The following ARHGAP8 variants were observed in gnomAD, a reference collection of about 807,000 sequenced individuals.
ARHGAP8 encodes the protein rho GTPase-activating protein 8.
ARHGAP8 carries 62 observed loss-of-function variants against 46.1 expected under a neutral mutation model. The ratio of observed to expected loss-of-function variants is 1.34; its 90% CI spans 1.10 to 1.66. ARHGAP8 has a LOEUF of 1.66. Among genes scored for constraint, ARHGAP8 ranks in the 40% most tolerant of loss-of-function variants. The probability of loss-of-function intolerance (pLI) is 0.00; values close to 1 mark genes in which losing one functional copy is unlikely to be tolerated. For missense variants in ARHGAP8, 923 were observed against 568.4 expected (o/e 1.62, Z -6.34); for synonymous variants, 375 against 243.1 (o/e 1.54, Z -5.05).
intron 1 of ARHGAP8, among the ~76,000 whole-genome samples, chr22:44,779,325 T>C (rs1443220427): frequency 6.6e-6 from 1 of 151,894 alleles, no homozygotes; most frequent in Non-Finnish European, 1.5e-5. Flanking sequence ...GGTCTCGAAC[T>C]CCTGACCTCA....
chr22:44,830,862 A>G (rs955359650), intron 7 of ARHGAP8, among the ~76,000 whole-genome samples: 6 of 152,148 alleles, frequency 3.9e-5, no homozygotes, highest in African/African-American at 1.4e-4. Flanking sequence ...TATCGTAGCC[A>G]TCCTAGTAGG....
Position 44,802,154 on chromosome 22 carries a change from C to T in ARHGAP8, c.157C>T (p.Arg53Trp), listed in dbSNP as rs41278883. 10,428 of 1,614,114 alleles carry T rather than the reference C, an allele frequency of 6.5e-3. 45 individuals carry two copies. The highest frequency in any genetic ancestry group is 7.9e-3 in the Middle Eastern group (48 of 6,060). Residue 53 changes from arginine to tryptophan, a missense_variant, in exon 3 of 12, where the codon CGG (arginine) becomes TGG (tryptophan). By Grantham distance (101) the Arg-to-Trp change is moderately radical. Transcript: ENST00000356099. ...MPPSHELDHQ[R>W]LLEYLKYTLD... ...ACCCTCCCACGAGCTGGACCACCAGCGGCTGCTGGAGTAAGTGTTCTGCCC... is the reference window on the plus strand; with the variant it reads ...ACCCTCCCACGAGCTGGACCACCAGTGGCTGCTGGAGTAAGTGTTCTGCCC...
At chr22:44,834,545 T>C (rs1456820366) in intron 7 of ARHGAP8, among the ~76,000 whole-genome samples, 1 of 152,178 alleles carries the variant, frequency 6.6e-6, no homozygotes, top group Non-Finnish European at 1.5e-5. Context: ...GCCTGGAGAA[T>C]ATTCAACGGA....
chr22:44,759,156 C>G (rs1234510681), intron 1 of ARHGAP8, among the ~76,000 whole-genome samples: 2 of 152,210 alleles, frequency 1.3e-5, no homozygotes, highest in African/African-American at 4.8e-5. Context: ...CCCAAGCCCT[C>G]TGCTTGTTCT....
intron 7 of ARHGAP8, 142 bp downstream of exon 7, chr22:44,825,735 C>A: frequency 9.4e-7 from 1 of 1,060,486 alleles, no homozygotes; most frequent in Non-Finnish European, 1.3e-6. Flanking sequence ...AGCCTGAGCT[C>A]ATCACTGAGG....
chr22:44,859,835 G>C lies in ARHGAP8; in HGVS notation c.981+1G>C, dbSNP rs753268729. On this transcript the variant is annotated splice_donor_variant, in intron 11 of 11. Transcript: ENST00000356099. LOFTEE classifies it high-confidence loss of function. ...CTACCTCATGGGCTTCCTGCATGCG[G>C]TGAGTGGGGAAGGGGGGAGCTTGGG... 2 of 1,613,406 alleles carry C rather than the reference G, an allele frequency of 1.2e-6. No homozygotes were observed. The highest frequency in any genetic ancestry group is 2.2e-5 in the East Asian group (1 of 44,866).
At chr22:44,831,847 C>A (rs1291606548) in intron 7 of ARHGAP8, among the ~76,000 whole-genome samples, 6 of 152,184 alleles carry the variant, frequency 3.9e-5, no homozygotes, top group Non-Finnish European at 1.5e-5. Context: ...GCCACACAAT[C>A]TTGATTACTG....
intron 3 of ARHGAP8, among the ~76,000 whole-genome samples, chr22:44,803,520 C>T (rs1928704136): frequency 6.6e-6 from 1 of 151,804 alleles, no homozygotes; most frequent in Non-Finnish European, 1.5e-5. Context: ...CCTTTGCATG[C>T]AGCACCCCCA....
intron 7 of ARHGAP8, among the ~76,000 whole-genome samples, chr22:44,828,361 C>T (rs1314192953): frequency 2.0e-5 from 3 of 151,830 alleles, no homozygotes; most frequent in Non-Finnish European, 4.4e-5. Flanking sequence ...GCAGTGACCT[C>T]GGTCCCCTCC....
intron 1 of ARHGAP8, among the ~76,000 whole-genome samples, chr22:44,760,894 C>G (rs9614905): frequency 0.28 from 42,357 of 151,928 alleles, 6,811 homozygotes; most frequent in Non-Finnish European, 0.38. Context: ...TGGGGGGGAT[C>G]CGAGAGAAAG....
chr22:44,845,116 C>G (rs1229737779), intron 7 of ARHGAP8, among the ~76,000 whole-genome samples, 153 bp from the exon 8 acceptor site: 3 of 152,214 alleles, frequency 2.0e-5, no homozygotes, highest in Admixed American at 6.5e-5. Context: ...TTCAGACTTT[C>G]TACTTCCTGA....
chr22:44,860,075 CCCTCAG>C (rs1221400810), intron 11 of ARHGAP8, among the ~76,000 whole-genome samples: 1 of 152,206 alleles, frequency 6.6e-6, no homozygotes, highest in East Asian at 1.9e-4. Flanking sequence ...TACCTGCTGT[CCCTCAG>C]CCATTGCCAG....
In ARHGAP8 at chr22:44,812,645, G is replaced by A. The variant is rs114194962; in HGVS notation, c.300-2027G>A. On this transcript the variant is annotated intron_variant, in intron 4 of 11. Coordinates refer to ENST00000356099, the MANE Select transcript of ARHGAP8 (RefSeq NM_181335.3). ...GTTGGGATTACAGGTGTGAGCCACC[G>A]CGCCCTGCCTCAGAGCCTTTTTAAA... is the stretch of plus-strand genomic sequence containing the variant. Among the ~76,000 whole-genome samples, 816 of 152,080 alleles carry A rather than the reference G, an allele frequency of 5.4e-3. 7 individuals are homozygous for A. Among genetic ancestry groups the A allele is most frequent in the African/African-American group, 0.019 (787 of 41,506 alleles).
intron 2 of ARHGAP8, among the ~76,000 whole-genome samples, chr22:44,798,445 A>G (rs1004908162): frequency 1.3e-5 from 2 of 152,018 alleles, no homozygotes; most frequent in African/African-American, 4.8e-5. Flanking sequence ...TAAATCCAGG[A>G]TAATCTTATC....
At chr22:44,774,178 T>C (rs527661739) in intron 1 of ARHGAP8, among the ~76,000 whole-genome samples, 16 of 152,302 alleles carry the variant, frequency 1.1e-4, no homozygotes, top group Admixed American at 9.2e-4. Context: ...GTCTTATGCC[T>C]TTCCTTCAAC....
At chr22:44,812,472 T>G (rs950113977) in intron 4 of ARHGAP8, among the ~76,000 whole-genome samples, 1 of 151,284 alleles carries the variant, frequency 6.6e-6, no homozygotes, top group Admixed American at 6.6e-5. Flanking sequence ...TTCTCCTGCC[T>G]CAGCCTCCTG....
At chr22:44,848,237 T>C (rs981865942) in intron 9 of ARHGAP8, among the ~76,000 whole-genome samples, 187 bp downstream of exon 9, 26 of 152,322 alleles carry the variant, frequency 1.7e-4, no homozygotes, top group Middle Eastern at 3.4e-3. Flanking sequence ...TGGGGACCTT[T>C]TGTCCAGACC....
chr22:44,784,065 C>T, intron 1 of ARHGAP8, among the ~76,000 whole-genome samples: 1 of 151,974 alleles, frequency 6.6e-6, no homozygotes, highest in Non-Finnish European at 1.5e-5. Context: ...AAAAGCAATG[C>T]AAAAATCTTA....
intron 3 of ARHGAP8, among the ~76,000 whole-genome samples, chr22:44,802,504 C>G (rs573890820): frequency 6.0e-4 from 92 of 152,340 alleles, no homozygotes; most frequent in African/African-American, 2.1e-3. Flanking sequence ...AGCGCCAGGC[C>G]TCCCCCACGC....
Sources: gnomAD v4.1 joint callset for allele counts (sites outside exome capture counted in the v4.1 genomes callset) on GRCh38, gnomAD v4.1.1 for gene constraint, MANE v1.5 for transcripts, NCBI Gene and HGNC (gene_info 2026-07-23, HGNC 2026-07-21) for gene names.